KANK4: variants seen among roughly 807,000 people sequenced by gnomAD.
KANK4 encodes KN motif and ankyrin repeat domains 4.
In KANK4, 50 loss-of-function variants were observed where a neutral mutation model predicts 80.8. The ratio of observed to expected loss-of-function variants is 0.62; its 90% CI spans 0.49 to 0.78. The LOEUF (loss-of-function observed/expected upper bound fraction) is 0.78. Among genes scored for constraint, KANK4 ranks in the 30% least tolerant of loss-of-function variants. The probability of loss-of-function intolerance (pLI) is 0.00; values close to 1 mark genes in which losing one functional copy is unlikely to be tolerated. For synonymous variants in KANK4, 465 were observed against 506.9 expected, an observed-to-expected ratio of 0.92 and a Z score of 1.11; for missense variants, 1,196 against 1,240.1, an observed-to-expected ratio of 0.96 and a Z score of 0.53.
chr1:62,306,374 C>T (rs1644451209), intron 1 of KANK4, among the ~76,000 whole-genome samples: 1 of 152,112 alleles, frequency 6.6e-6, no homozygotes, highest in South Asian at 2.1e-4. Flanking sequence ...AACAGCAGGA[C>T]AATAGGTAAG....
At chr1:62,261,365 G>A (rs1206926895) in intron 7 of KANK4, among the ~76,000 whole-genome samples, 1 of 151,866 alleles carries the variant, frequency 6.6e-6, no homozygotes, top group Non-Finnish European at 1.5e-5. Context: ...TCCCCATGTT[G>A]GCCAGGCTGG....
chr1:62,311,557 G>A (rs991988290), intron 1 of KANK4, among the ~76,000 whole-genome samples: 2 of 152,062 alleles, frequency 1.3e-5, no homozygotes, highest in African/African-American at 2.4e-5. Context: ...CCACTTCAAA[G>A]CTACTTCTTC....
chr1:62,313,177 C>T (rs1465677426), intron 1 of KANK4, among the ~76,000 whole-genome samples: 3 of 152,138 alleles, frequency 2.0e-5, no homozygotes, highest in African/African-American at 4.8e-5. Flanking sequence ...ATAAATTAAA[C>T]TTTATCACAG....
At chr1:62,297,360 G>GACCATATT (rs1486604837) in intron 1 of KANK4, among the ~76,000 whole-genome samples, 3 of 152,118 alleles carry the variant, frequency 2.0e-5, no homozygotes, top group African/African-American at 7.2e-5. Flanking sequence ...ATTTCAGGAT[G>GACCATATT]ACCATATTAG....
At chr1:62,255,170 C>A (rs1215073416) in intron 7 of KANK4, among the ~76,000 whole-genome samples, 1 of 152,102 alleles carries the variant, frequency 6.6e-6, no homozygotes, top group African/African-American at 2.4e-5. Context: ...CAGGCATGAG[C>A]CACGGTGCCT....
At chr1:62,243,111 C>T (rs1222397176) in intron 9 of KANK4, among the ~76,000 whole-genome samples, 1 of 152,102 alleles carries the variant, frequency 6.6e-6, no homozygotes, top group African/African-American at 2.4e-5. Context: ...CTAACTTACT[C>T]CAGTTTCTGC....
At chr1:62,295,360 TCTCAGGCAATCCTGGCTGGTCTCCTGAG>T (rs1644354448) in intron 1 of KANK4, among the ~76,000 whole-genome samples, 1 of 152,172 alleles carries the variant, frequency 6.6e-6, no homozygotes, top group Non-Finnish European at 1.5e-5. Context: ...CCCAGGCTGG[TCTCAGGCAATCCTGGCTGGTCTCCTGAG>T]CTCAGGCAAT....
chr1:62,239,978 T>C (rs1671299948), intron 9 of KANK4, among the ~76,000 whole-genome samples: 1 of 152,226 alleles, frequency 6.6e-6, no homozygotes, highest in Non-Finnish European at 1.5e-5. Context: ...TAAACATACA[T>C]GTGCATGTGT....
intron 9 of KANK4, among the ~76,000 whole-genome samples, chr1:62,247,171 G>A (rs527803810): frequency 3.3e-5 from 5 of 152,072 alleles, no homozygotes; most frequent in South Asian, 2.1e-4. Flanking sequence ...GATTACAGAC[G>A]TGAGCCACTG....
chr1:62,263,987 A>T (rs1255863925), intron 6 of KANK4, among the ~76,000 whole-genome samples: 2 of 152,214 alleles, frequency 1.3e-5, no homozygotes, highest in Non-Finnish European at 2.9e-5. Flanking sequence ...CTTGTGTGTG[A>T]CATGAGCTCA....
At chr1:62,318,493 G>T (rs567928941) in intron 1 of KANK4, among the ~76,000 whole-genome samples, 104 of 152,358 alleles carry the variant, frequency 6.8e-4, no homozygotes, top group Middle Eastern at 6.8e-3. Context: ...CCTCGGCGGC[G>T]TCTAGAGCAC....
chr1:62,247,634 G>T lies in KANK4; in HGVS notation c.2721C>A (p.Asp907Glu), dbSNP rs764941560. 1 of 1,613,948 alleles carries T rather than the reference G, an allele frequency of 6.2e-7. No homozygotes were observed. Among genetic ancestry groups the T allele is most frequent in the South Asian group, 1.1e-5 (1 of 91,078 alleles). ...GCAGCGCTTGAACCATGTCCTCCCT[G>T]TCGTGGCTGACTCCCAGCATCAGCG... The part of the protein sequence containing the change: ...QTALMLGVSH[D>E]REDMVQALLS... The change falls in exon 9 of 10, where the codon GAC becomes GAA. Residue 907 changes from aspartate (D) to glutamate (E), a missense_variant. Asp to Glu is a conservative substitution (Grantham distance 45). Coordinates refer to ENST00000371153, the MANE Select transcript of KANK4 (RefSeq NM_181712.5).
chr1:62,264,944 G>A (rs1671984591), intron 6 of KANK4, among the ~76,000 whole-genome samples: 1 of 152,122 alleles, frequency 6.6e-6, no homozygotes, highest in South Asian at 2.1e-4. Flanking sequence ...CAATTCTCCT[G>A]CCTCAGCCTC....
At chr1:62,315,347 T>C (rs1644530205) in intron 1 of KANK4, among the ~76,000 whole-genome samples, 1 of 152,176 alleles carries the variant, frequency 6.6e-6, no homozygotes, top group Non-Finnish European at 1.5e-5. Flanking sequence ...TTTATGGTCA[T>C]TTAATATGGA....
chr1:62,288,981 C>G (rs1672626891), intron 1 of KANK4, among the ~76,000 whole-genome samples: 1 of 152,102 alleles, frequency 6.6e-6, no homozygotes, highest in African/African-American at 2.4e-5. Context: ...ACATGCCATA[C>G]CCTACAATGA....
chr1:62,261,352 G>GTTTCCCC (rs1214693359), intron 7 of KANK4, among the ~76,000 whole-genome samples: 1 of 151,866 alleles, frequency 6.6e-6, no homozygotes, highest in Non-Finnish European at 1.5e-5. Flanking sequence ...TAGAGAGAGG[G>GTTTCCCC]TTTCCCCATG....
intron 5 of KANK4, among the ~76,000 whole-genome samples, chr1:62,267,108 G>C (rs1239260076): frequency 1.3e-5 from 2 of 152,108 alleles, no homozygotes; most frequent in African/African-American, 4.8e-5. Context: ...TCGTGGTAGG[G>C]GGTGGTGGAC....
chr1:62,270,925 C>T (rs979680135), intron 4 of KANK4, among the ~76,000 whole-genome samples: 8 of 152,104 alleles, frequency 5.3e-5, no homozygotes, highest in African/African-American at 9.7e-5. Context: ...TCTCCACGAC[C>T]GAGCACACTG....
intron 1 of KANK4, among the ~76,000 whole-genome samples, chr1:62,290,614 A>T (rs1161063081): frequency 1.3e-5 from 2 of 152,236 alleles, no homozygotes; most frequent in Non-Finnish European, 2.9e-5. Flanking sequence ...GGAAAGGGCA[A>T]GGATCATATT....
Sources: allele counts gnomAD v4.1 joint callset (sites outside exome capture counted in the v4.1 genomes callset), GRCh38; gene constraint gnomAD v4.1.1; transcripts MANE v1.5; gene names NCBI Gene and HGNC (gene_info 2026-07-23, HGNC 2026-07-21).